Variants in FAM135B observed in about 807,000 individuals in gnomAD.
The protein encoded by FAM135B is protein FAM135B.
In FAM135B, 43 loss-of-function variants were observed where a neutral mutation model predicts 127.7. The observed-to-expected ratio is 0.34, with a 90% CI of 0.26 to 0.43. The LOEUF (loss-of-function observed/expected upper bound fraction) is 0.43, where lower values mean the gene tolerates loss of function less well. Among genes scored for constraint, FAM135B ranks in the 20% least tolerant of loss-of-function variants. FAM135B has a pLI of 1.00. For missense variants in FAM135B, 1,558 were observed against 1,725.6 expected, an observed-to-expected ratio of 0.90 and a Z score of 1.72; for synonymous variants, 670 against 665.1, an observed-to-expected ratio of 1.01 and a Z score of -0.11.
chr8:138,351,646 C>A (rs1829787956), intron 2 of FAM135B, among the ~76,000 whole-genome samples: 1 of 150,864 alleles, frequency 6.6e-6, no homozygotes, highest in Non-Finnish European at 1.5e-5. Context: ...CCCTAGAAAA[C>A]CAAGACACCA....
intron 9 of FAM135B, among the ~76,000 whole-genome samples, chr8:138,190,996 T>G (rs1816071428): frequency 1.3e-5 from 2 of 152,236 alleles, no homozygotes; most frequent in Non-Finnish European, 2.9e-5. Flanking sequence ...CTGACCACCT[T>G]GGGCACGTGT....
At position 138,251,023 on chromosome 8, in the gene FAM135B, C is replaced by T; in HGVS notation, c.369-9G>A. ...CAGCCACATCCCTCAACCTAGAAGG[C>T]AAGCATGTGAGCTCACGTGAGAAAT... On this transcript the variant is annotated splice_polypyrimidine_tract_variant and intron_variant, in intron 5 of 19. Coordinates refer to ENST00000395297, the MANE Select transcript of FAM135B (RefSeq NM_015912.4). 6.2e-7 allele frequency: 1 copy of T among 1,613,614 alleles called. No individual in the cohort carries two copies.
chr8:138,265,763 T>C lies in FAM135B; in HGVS notation c.237A>G (p.Glu79=), dbSNP rs2130630250. ...CCACAGCATCATTTATGGGTACCTC[T>C]TCATTCCGGTATAAGATCTGAAAGA... ...SRVFQILYRN[E]EVPINDAVVF... The change falls in exon 4 of 20, where the codon GAA becomes GAG. Residue 79 remains glutamate, a synonymous_variant. Coordinates refer to ENST00000395297, the MANE Select transcript of FAM135B (RefSeq NM_015912.4). 1 of 1,614,012 alleles carries C rather than the reference T, an allele frequency of 6.2e-7. No homozygotes were observed. The highest frequency in any genetic ancestry group is 8.5e-7 in the Non-Finnish European group (1 of 1,179,922).
intron 1 of FAM135B, among the ~76,000 whole-genome samples, chr8:138,482,286 G>C (rs1307354718): frequency 6.6e-6 from 1 of 152,006 alleles, no homozygotes; most frequent in Non-Finnish European, 1.5e-5. Flanking sequence ...AGGGAAGAGC[G>C]TGTTGAAGTA....
At chr8:138,271,163 C>T (rs1043725936) in intron 3 of FAM135B, among the ~76,000 whole-genome samples, 3 of 152,152 alleles carry the variant, frequency 2.0e-5, no homozygotes, top group Non-Finnish European at 4.4e-5. Flanking sequence ...GATCTACAAG[C>T]ACTTACTTGA....
In FAM135B at chr8:138,316,068, CAGT is replaced by C. The variant is rs35062586; in HGVS notation, c.78-5151_78-5149del. On this transcript the variant is annotated intron_variant, in intron 2 of 19. Transcript: ENST00000395297. ...AAAAAAAGAATGCCACTTTGGAAGACAGTAGATGTGCTACTCTGCTCACATATA... is the reference window on the plus strand; with the variant it reads ...AAAAAAAGAATGCCACTTTGGAAGACAGATGTGCTACTCTGCTCACATATA... Among the ~76,000 whole-genome samples, 1,281 of 152,298 alleles carry C rather than the reference CAGT, an allele frequency of 8.4e-3. 5 individuals carry two copies. The highest frequency in any genetic ancestry group is 0.014 in the Middle Eastern group (4 of 294).
intron 3 of FAM135B, among the ~76,000 whole-genome samples, chr8:138,266,563 G>A (rs925335559): frequency 4.6e-5 from 7 of 151,208 alleles, no homozygotes; most frequent in African/African-American, 1.7e-4. Flanking sequence ...TATACAGTTG[G>A]AGATACGTGT....
At chr8:138,230,954 CA>C (rs1269263365) in intron 7 of FAM135B, among the ~76,000 whole-genome samples, 2 of 152,078 alleles carry the variant, frequency 1.3e-5, no homozygotes, top group Non-Finnish European at 2.9e-5. Context: ...TCTTCATGTG[CA>C]GGTTACATGA....
chr8:138,257,773 G>A (rs1567691), intron 4 of FAM135B, among the ~76,000 whole-genome samples: 2,307 of 151,914 alleles, frequency 0.015, 46 homozygotes, highest in East Asian at 0.091. Flanking sequence ...GATGTGTCTT[G>A]TTTAGACCCC....
chr8:138,258,588 C>G (rs1822289807), intron 4 of FAM135B, among the ~76,000 whole-genome samples: 1 of 152,082 alleles, frequency 6.6e-6, no homozygotes. Flanking sequence ...TCAAAGTAAA[C>G]TCCAATTTTA....
At chr8:138,229,082 A>G (rs1170687666) in intron 7 of FAM135B, among the ~76,000 whole-genome samples, 1 of 152,110 alleles carries the variant, frequency 6.6e-6, no homozygotes, top group Non-Finnish European at 1.5e-5. Flanking sequence ...CCACACTCAC[A>G]TGGAAATCGG....
intron 2 of FAM135B, among the ~76,000 whole-genome samples, chr8:138,354,492 C>A (rs897699612): frequency 2.0e-5 from 3 of 152,122 alleles, no homozygotes; most frequent in African/African-American, 7.2e-5. Context: ...CATCCTGATA[C>A]CTCCTGGGTG....
chr8:138,243,089 AG>A lies in FAM135B; in HGVS notation c.543-22del, dbSNP rs764358333. ...TAAAACTAAACAAAAGATAATTGAA[AG>A]GGTGAAAAAGGAGGTAAAGAAAGTG... On this transcript the variant is annotated intron_variant, in intron 6 of 19. Coordinates refer to ENST00000395297, the MANE Select transcript of FAM135B (RefSeq NM_015912.4). The surrounding 1 kb of genome is among the most constrained non-coding windows in gnomAD (Gnocchi z 7.5). 1.3e-6 allele frequency: 2 copies of A among 1,597,188 alleles called. No individual in the cohort carries two copies.
intron 2 of FAM135B, among the ~76,000 whole-genome samples, chr8:138,348,728 A>C (rs1214836509): frequency 6.6e-6 from 1 of 152,232 alleles, no homozygotes; most frequent in Non-Finnish European, 1.5e-5. Flanking sequence ...TTCTGGACTT[A>C]AGAGAAACTA....
chr8:138,167,250 C>T (rs981046463), intron 12 of FAM135B, among the ~76,000 whole-genome samples: 7 of 152,076 alleles, frequency 4.6e-5, no homozygotes, highest in Admixed American at 2.6e-4. Flanking sequence ...GGCTGGAATG[C>T]GATGGCGAGA....
At chr8:138,331,101 C>T (rs572772393) in intron 2 of FAM135B, among the ~76,000 whole-genome samples, 1 of 152,220 alleles carries the variant, frequency 6.6e-6, no homozygotes, top group Admixed American at 6.5e-5. Flanking sequence ...CTTGGCCTCC[C>T]AAAAATGCAT....
chr8:138,409,102 C>T (rs1266635940), intron 1 of FAM135B, among the ~76,000 whole-genome samples: 1 of 152,170 alleles, frequency 6.6e-6, no homozygotes, highest in Non-Finnish European at 1.5e-5. Flanking sequence ...ACATGCCTTC[C>T]TCACAAAGCT....
At chr8:138,484,278 G>C (rs1298150794) in intron 1 of FAM135B, among the ~76,000 whole-genome samples, 1 of 152,106 alleles carries the variant, frequency 6.6e-6, no homozygotes, top group Admixed American at 6.5e-5. Context: ...CAGCTGGGTG[G>C]CTAAAGGCAA....
chr8:138,445,017 A>G (rs1437600563), intron 1 of FAM135B, among the ~76,000 whole-genome samples: 5 of 152,242 alleles, frequency 3.3e-5, no homozygotes, highest in Admixed American at 6.5e-5. Flanking sequence ...AGAGAATACT[A>G]TAAACACCTC....
Sources: gnomAD v4.1 joint callset for allele counts (sites outside exome capture counted in the v4.1 genomes callset) on GRCh38, gnomAD v4.1.1 for gene constraint, Gnocchi (gnomAD v3.1) non-coding constraint, MANE v1.5 for transcripts, NCBI Gene and HGNC (gene_info 2026-07-23, HGNC 2026-07-21) for gene names.